Variants in ABCC8 observed in about 807,000 individuals in gnomAD.
The protein encoded by ABCC8 is ATP-binding cassette sub-family C member 8.
In ABCC8, 137 loss-of-function variants were observed where a neutral mutation model predicts 188.0. That is an observed-to-expected ratio of 0.73 (90% CI 0.63 to 0.84). The LOEUF (loss-of-function observed/expected upper bound fraction) is 0.84. ABCC8 is among the 40% of genes least tolerant of loss of function. The pLI is 0.00. For missense variants in ABCC8, 1,750 were observed against 2,072.7 expected, an observed-to-expected ratio of 0.84 and a Z score of 3.02; for synonymous variants, 797 against 846.5, an observed-to-expected ratio of 0.94 and a Z score of 1.01.
Position 17,428,375 on chromosome 11 carries a change from C to A in ABCC8, c.1954G>T (p.Ala652Ser). The A allele has an allele frequency of 6.2e-7, 1 of 1,614,108 alleles. No individual in the cohort carries two copies. Among genetic ancestry groups the A allele is most frequent in the South Asian group, 1.1e-5 (1 of 91,084 alleles). ...PLRVVNRKRP[A>S]REDCRGLTGP... ...GTGAGGCCCCGACAATCCTCCCGGG[C>A]TGGACGCTTGCGGTTCACAACCCTG... The change falls in exon 14 of 39, where the codon GCC (alanine) becomes TCC (serine). Residue 652 changes from alanine to serine, a missense_variant. Transcript: ENST00000389817.
intron 18 of ABCC8, 26 bp from the exon 19 acceptor site, chr11:17,414,636 G>A (rs79459954): frequency 1.9e-6 from 3 of 1,613,608 alleles, no homozygotes; most frequent in African/African-American, 2.7e-5. Flanking sequence ...CGGGAGTAGG[G>A]GGTGCGGAAG....
chr11:17,425,611 G>T (rs1269551870), intron 16 of ABCC8, among the ~76,000 whole-genome samples: 1 of 152,128 alleles, frequency 6.6e-6, no homozygotes, highest in Non-Finnish European at 1.5e-5. Flanking sequence ...CTCTGCCCAG[G>T]TTGCTGAACA....
chr11:17,392,728 T>C, downstream of ABCC8: 1 of 526,108 alleles, frequency 1.9e-6, no homozygotes, highest in Non-Finnish European at 3.4e-6. Context: ...CTGTGATATG[T>C]TGTTGTGGCA....
chr11:17,404,776 T>A lies in ABCC8; in HGVS notation c.3400-107A>T. ...CTCACTTTATTTTTTGATCCTTTAT[T>A]TTTTTGAGACTGAGTCTCACTGTTG... On this transcript the variant is annotated intron_variant, in intron 27 of 38. Coordinates refer to ENST00000389817, the MANE Select transcript of ABCC8 (RefSeq NM_000352.6). This position sits in a 1 kb window ranked among gnomAD's most constrained non-coding sequence, Gnocchi z 4.7. 6.7e-7 allele frequency: 1 copy of A among 1,493,212 alleles called. No homozygotes were observed. The highest frequency in any genetic ancestry group is 2.5e-5 in the East Asian group (1 of 40,454). The allele number at this position is 1,493,212 out of a possible 1,614,324, so 92.5% of individuals were successfully genotyped here. A position where few individuals can be genotyped will look rare whatever the true frequency, so the allele number is the denominator to read the frequency against.
At chr11:17,465,190 C>T (rs3819521) in intron 3 of ABCC8, among the ~76,000 whole-genome samples, 48,235 of 152,120 alleles carry the variant, frequency 0.32, 7,719 homozygotes, top group Middle Eastern at 0.45. Context: ...TGGAGGAATT[C>T]CACAGCTGAA....
chr11:17,424,167 G>T (rs145275635), intron 16 of ABCC8, among the ~76,000 whole-genome samples: 1 of 152,092 alleles, frequency 6.6e-6, no homozygotes, highest in East Asian at 1.9e-4. Flanking sequence ...CTGTCGGGGG[G>T]TGGGAGGCAA....
rs1848809864 is a variant in ABCC8 at position 17,476,757 on chromosome 11, C to T, written c.20G>A (p.Gly7Asp). 3.2e-6 allele frequency: 5 copies of T among 1,586,730 alleles called. No homozygotes were observed. In the East Asian group the frequency reaches 1.2e-4, roughly 37 times the overall value. ...GTAGGCGGCCGAGTGGTTCTCGCTG[C>T]CGCAGAAGGCCAGGGGCATGGCGGC... Reference protein sequence around the residue: MPLAFCGSENHSAAYRV... With the variant: MPLAFCDSENHSAAYRV... Residue 7 changes from glycine (G) to aspartate (D), a missense_variant, in exon 1 of 39, where the codon GGC becomes GAC. Gly to Asp is a moderately conservative substitution (Grantham distance 94, BLOSUM62 -1). Coordinates refer to ENST00000389817, the MANE Select transcript of ABCC8 (RefSeq NM_000352.6).
rs1414892360 is a variant in ABCC8 at position 17,395,470 on chromosome 11, C to G, written c.4307+140G>C. 6 of 1,464,900 alleles carry G rather than the reference C, an allele frequency of 4.1e-6. No individual in the cohort carries two copies. The African/African-American group carries it at 7.0e-5, about 17-fold the overall frequency. 90.7% of individuals were successfully genotyped at this position (1,464,900 alleles called of 1,614,324 possible). ...GATCCCCTTCCAGAGGCTGCCTGGG[C>G]CTGATGGGATGGAGAAGGGCATGAG... On this transcript the variant is annotated intron_variant, in intron 35 of 38. Coordinates refer to ENST00000389817, the MANE Select transcript of ABCC8 (RefSeq NM_000352.6).
At chr11:17,419,009 A>G (rs2133496749) in intron 16 of ABCC8, among the ~76,000 whole-genome samples, 1 of 152,260 alleles carries the variant, frequency 6.6e-6, no homozygotes, top group Admixed American at 6.5e-5. Flanking sequence ...TCCCCATTTT[A>G]CACATGAGGA....
chr11:17,395,198 A>AC lies in ABCC8; in HGVS notation c.4384dup (p.Val1462GlyfsTer51), dbSNP rs1953845407. 1 of 1,588,468 alleles carries AC rather than the reference A, an allele frequency of 6.3e-7. No homozygotes were observed. Among genetic ancestry groups the AC allele is most frequent in the Non-Finnish European group, 8.6e-7 (1 of 1,165,650 alleles). Reference sequence around the variant, plus strand: ...GAGGCCTCCTGGCAGTGCCTTCACCACCAGCTTCAGCTGGGCGATTTCCAG... The same window carrying AC: ...GAGGCCTCCTGGCAGTGCCTTCACCACCCAGCTTCAGCTGGGCGATTTCCAG... On this transcript the variant is annotated frameshift_variant, in exon 36 of 39. Coordinates refer to ENST00000389817, the MANE Select transcript of ABCC8 (RefSeq NM_000352.6). LOFTEE classifies it high-confidence loss of function.
chr11:17,419,835 T>C (rs548137004), intron 16 of ABCC8, among the ~76,000 whole-genome samples: 38 of 152,306 alleles, frequency 2.5e-4, no homozygotes, highest in Non-Finnish European at 5.0e-4. Flanking sequence ...GACATTTGAA[T>C]CCCAGAGGCT....
chr11:17,467,202 G>A (rs1022751696), intron 3 of ABCC8, among the ~76,000 whole-genome samples: 4 of 152,040 alleles, frequency 2.6e-5, no homozygotes, highest in African/African-American at 9.7e-5. Flanking sequence ...GATCACTTAA[G>A]GCCAGGAGTT....
chr11:17,444,614 A>G (rs1956454019), intron 8 of ABCC8, among the ~76,000 whole-genome samples: 1 of 152,208 alleles, frequency 6.6e-6, no homozygotes, highest in South Asian at 2.1e-4. Flanking sequence ...TCTCTTCTGC[A>G]CAGGTCTGAA....
chr11:17,403,097 C>A (rs1160701367), intron 28 of ABCC8, among the ~76,000 whole-genome samples: 1 of 152,206 alleles, frequency 6.6e-6, no homozygotes, highest in Non-Finnish European at 1.5e-5. Flanking sequence ...TTCCATTTTA[C>A]AGGTGAACAA....
At chr11:17,402,344 G>A (rs1954287935) in intron 29 of ABCC8, among the ~76,000 whole-genome samples, 1 of 152,178 alleles carries the variant, frequency 6.6e-6, no homozygotes. Context: ...AAGGGCTTAG[G>A]GTGGCCCGCA....
At position 17,430,978 on chromosome 11, in the gene ABCC8, G is replaced by C; in HGVS notation, c.1672-19C>G. On this transcript the variant is annotated intron_variant, in intron 11 of 38. Coordinates refer to ENST00000389817, the MANE Select transcript of ABCC8 (RefSeq NM_000352.6). ...CGAAAGTCTGTGGACAGAGGCACAA[G>C]TGAGGCCAGGGTGGCCCAGGGTGTG... 6.2e-7 allele frequency: 1 copy of C among 1,613,340 alleles called. No homozygotes were observed. Among genetic ancestry groups the C allele is most frequent in the Non-Finnish European group, 8.5e-7 (1 of 1,179,636 alleles).
rs372233601 is a variant in ABCC8, at chr11:17,461,842, C to T, written c.580-17G>A. The stretch of plus-strand genomic sequence containing the variant: ...GATGTATCTCTGTGGGGCACATGGG[C>T]CATGGGGGATGGGTAAGTCCAACTT... On this transcript the variant is annotated splice_polypyrimidine_tract_variant and intron_variant, in intron 4 of 38. Transcript: ENST00000389817. The T allele has an allele frequency of 6.2e-6, 10 of 1,613,404 alleles. No individual in the cohort carries two copies. In the African/African-American group the frequency reaches 1.1e-4, roughly 17 times the overall value.
At chr11:17,406,567 G>A in intron 26 of ABCC8, 55 bp downstream of exon 26, 7 of 1,535,182 alleles carry the variant, frequency 4.6e-6, no homozygotes, top group Non-Finnish European at 6.2e-6. Context: ...GAAGACTAAG[G>A]CTCAGAGAAC....
In ABCC8 at chr11:17,413,453, A is replaced by G; in HGVS notation, c.2416T>C (p.Ser806Pro). The change falls in exon 20 of 39, where the codon TCT becomes CCT. Residue 806 changes from serine to proline, a missense_variant. Ser to Pro is a moderately conservative substitution (Grantham distance 74). Transcript: ENST00000389817. ...AGGATGTCGATGTCTGGCTGCAGAG[A>G]GCAGGCTTCAATGACCATCTTGTAC... ...QRYKMVIEAC[S>P]LQPDIDILPH... The G allele has an allele frequency of 6.2e-7, 1 of 1,614,082 alleles. No homozygotes were observed. The highest frequency in any genetic ancestry group is 8.5e-7 in the Non-Finnish European group (1 of 1,180,028).
Sources: allele counts gnomAD v4.1 joint callset (sites outside exome capture counted in the v4.1 genomes callset), GRCh38; gene constraint gnomAD v4.1.1; non-coding constraint Gnocchi (gnomAD v3.1); transcripts MANE v1.5; gene names NCBI Gene and HGNC (gene_info 2026-07-23, HGNC 2026-07-21).